MARCHF1: variants seen among roughly 807,000 people sequenced by gnomAD.
The protein encoded by MARCHF1 is membrane associated ring-CH-type finger 1.
MARCHF1 carries 40 observed loss-of-function variants against 54.2 expected under a neutral mutation model. The ratio of observed to expected loss-of-function variants is 0.74; its 90% CI spans 0.57 to 0.96. The LOEUF (loss-of-function observed/expected upper bound fraction) is 0.96, where lower values mean the gene tolerates loss of function less well. Ranked by LOEUF, MARCHF1 falls within the 40% of genes least tolerant of loss-of-function variation. MARCHF1 has a pLI of 0.00. For missense variants in MARCHF1, 586 were observed against 656.5 expected (o/e 0.89, Z 1.17); for synonymous variants, 236 against 236.3 (o/e 1.00, Z 0.01).
At chr4:164,189,024 G>A in intron 1 of MARCHF1, 1 of 693,946 alleles carries the variant, frequency 1.4e-6, no homozygotes, top group African/African-American at 1.8e-5. Context: ...AAGAGGGAGG[G>A]GGAGAAGACA....
intron 3 of MARCHF1, among the ~76,000 whole-genome samples, chr4:163,884,199 A>G (rs1458528741): frequency 6.6e-6 from 1 of 152,084 alleles, no homozygotes; most frequent in African/African-American, 2.4e-5. Context: ...TGGCCTTCTG[A>G]GAGACCACCC....
intron 8 of MARCHF1, among the ~76,000 whole-genome samples, chr4:163,554,857 T>C (rs1334888077): frequency 6.6e-6 from 1 of 152,216 alleles, no homozygotes; most frequent in Non-Finnish European, 1.5e-5. Context: ...CTACAAAATA[T>C]ATGCACATTA....
chr4:164,242,543 A>C (rs1160248384), intron 1 of MARCHF1, among the ~76,000 whole-genome samples: 1 of 151,730 alleles, frequency 6.6e-6, no homozygotes, highest in African/African-American at 2.4e-5. Context: ...CAGAACAGAA[A>C]AACTGGAAAC....
At chr4:164,283,107 A>C (rs1029831389) in intron 1 of MARCHF1, among the ~76,000 whole-genome samples, 6 of 151,154 alleles carry the variant, frequency 4.0e-5, no homozygotes, top group Non-Finnish European at 8.8e-5. Context: ...CAAAGAGCAA[A>C]AATACCAATC....
At chr4:163,958,861 A>G (rs918548966) in intron 3 of MARCHF1, among the ~76,000 whole-genome samples, 3 of 151,954 alleles carry the variant, frequency 2.0e-5, no homozygotes, top group Non-Finnish European at 4.4e-5. Flanking sequence ...AACAAAAATG[A>G]CATTCTGGGG....
chr4:163,894,265 G>C (rs1378527456), intron 3 of MARCHF1, among the ~76,000 whole-genome samples: 1 of 151,990 alleles, frequency 6.6e-6, no homozygotes, highest in Non-Finnish European at 1.5e-5. Context: ...ACAGCATCCT[G>C]ATTTAAGCAT....
chr4:164,346,604 G>GTATATATA (rs56936775), intron 1 of MARCHF1, among the ~76,000 whole-genome samples: 1 of 42,600 alleles, frequency 2.3e-5, no homozygotes, highest in Non-Finnish European at 5.4e-5. Flanking sequence ...ATGTATGTAT[G>GTATATATA]TATATATATA....
At chr4:163,890,179 C>T (rs1750630170) in intron 3 of MARCHF1, among the ~76,000 whole-genome samples, 1 of 151,854 alleles carries the variant, frequency 6.6e-6, no homozygotes, top group Non-Finnish European at 1.5e-5. Flanking sequence ...CGTGATCCAC[C>T]CGCCTTGGCC....
intron 1 of MARCHF1, among the ~76,000 whole-genome samples, chr4:164,199,156 T>C (rs1196292760): frequency 6.6e-6 from 1 of 152,230 alleles, no homozygotes; most frequent in Non-Finnish European, 1.5e-5. Context: ...TGAGCTTACA[T>C]AAACTGCCTT....
At chr4:164,369,330 TA>T (rs1304625715) in intron 1 of MARCHF1, among the ~76,000 whole-genome samples, 1 of 152,150 alleles carries the variant, frequency 6.6e-6, no homozygotes, top group African/African-American at 2.4e-5. Flanking sequence ...AAAATAGGCA[TA>T]AAGATTTGAA....
At chr4:164,217,400 T>G (rs1164544440) in intron 1 of MARCHF1, among the ~76,000 whole-genome samples, 1 of 152,196 alleles carries the variant, frequency 6.6e-6, no homozygotes, top group African/African-American at 2.4e-5. Flanking sequence ...ACAAAATGAT[T>G]CTGTGTATTC....
intron 1 of MARCHF1, among the ~76,000 whole-genome samples, chr4:164,206,182 A>T (rs1480963124): frequency 6.6e-6 from 1 of 152,182 alleles, no homozygotes; most frequent in Non-Finnish European, 1.5e-5. Flanking sequence ...CATGCTTGCA[A>T]TCCCAGCACT....
At chr4:163,801,595 T>TTTTACATTC (rs1268574481) in intron 4 of MARCHF1, among the ~76,000 whole-genome samples, 1 of 152,114 alleles carries the variant, frequency 6.6e-6, no homozygotes, top group Non-Finnish European at 1.5e-5. Flanking sequence ...CACAATGAAA[T>TTTTACATTC]TTTACATTCC....
At chr4:163,585,532 T>C in intron 8 of MARCHF1, 2 of 371,532 alleles carry the variant, frequency 5.4e-6, no homozygotes. Context: ...TTGAAAGTAA[T>C]ATATCAATCA....
At chr4:163,555,007 A>G (rs1182332665) in intron 8 of MARCHF1, among the ~76,000 whole-genome samples, 1 of 152,228 alleles carries the variant, frequency 6.6e-6, no homozygotes, top group Non-Finnish European at 1.5e-5. Flanking sequence ...AGTTTTAAGC[A>G]AGATATTTGT....
chr4:164,122,794 T>C (rs546142837), intron 1 of MARCHF1, among the ~76,000 whole-genome samples: 2 of 152,068 alleles, frequency 1.3e-5, no homozygotes, highest in Non-Finnish European at 2.9e-5. Context: ...CCAGACAACA[T>C]AGCCTCTTCA....
intron 4 of MARCHF1, among the ~76,000 whole-genome samples, chr4:163,830,053 A>C (rs1748973976): frequency 6.6e-6 from 1 of 152,182 alleles, no homozygotes; most frequent in Admixed American, 6.6e-5. Flanking sequence ...ATTGTTGTGA[A>C]CAATTTAATT....
At chr4:164,141,438 T>C (rs17044541) in intron 1 of MARCHF1, among the ~76,000 whole-genome samples, 28,263 of 152,178 alleles carry the variant, frequency 0.19, 4,126 homozygotes, top group African/African-American at 0.39. Flanking sequence ...TTATAGACAA[T>C]GTCCCCCCAT....
intron 3 of MARCHF1, among the ~76,000 whole-genome samples, chr4:163,968,967 T>C (rs995250952): frequency 6.6e-6 from 1 of 151,970 alleles, no homozygotes; most frequent in Non-Finnish European, 1.5e-5. Flanking sequence ...GACTTAGAGG[T>C]CCTAGAAATA....
Sources: gnomAD v4.1 joint callset for allele counts (sites outside exome capture counted in the v4.1 genomes callset) on GRCh38, gnomAD v4.1.1 for gene constraint, MANE v1.5 for transcripts, NCBI Gene and HGNC (gene_info 2026-07-23, HGNC 2026-07-21) for gene names.